Variants in RUNX1 observed in about 807,000 individuals in gnomAD.
RUNX1 encodes the protein runt-related transcription factor 1.
Under a neutral mutation model 42.8 loss-of-function variants are expected in RUNX1, and 19 were observed. The observed-to-expected ratio is 0.44, with a 90% CI of 0.31 to 0.65. The LOEUF (loss-of-function observed/expected upper bound fraction) is 0.65. Among genes scored for constraint, RUNX1 ranks in the 30% least tolerant of loss-of-function variants. The pLI is 0.07. For missense variants in RUNX1, 528 were observed against 672.0 expected, an observed-to-expected ratio of 0.79 and a Z score of 2.37; for synonymous variants, 271 against 289.4, an observed-to-expected ratio of 0.94 and a Z score of 0.64.
At position 34,792,512 on chromosome 21, in the gene RUNX1, A is replaced by T; in HGVS notation, c.1066T>A (p.Ser356Thr). 1 of 1,602,372 alleles carries T rather than the reference A, an allele frequency of 6.2e-7. No individual in the cohort carries two copies. The highest frequency in any genetic ancestry group is 8.5e-7 in the Non-Finnish European group (1 of 1,174,596). ...ATGCCCGAGGTGACCGGCGTCGGGGAGTAGGTGAAGGCGCCTGGATAGTGC... is the reference window on the plus strand; with the variant it reads ...ATGCCCGAGGTGACCGGCGTCGGGGTGTAGGTGAAGGCGCCTGGATAGTGC... ...RMHYPGAFTY[S>T]PTPVTSGIGI... Residue 356 changes from serine (S) to threonine (T), a missense_variant, in exon 9 of 9, where the codon TCC becomes ACC. Physicochemically the swap from Ser to Thr is moderately conservative, Grantham distance 58. Coordinates refer to ENST00000675419, the MANE Select transcript of RUNX1 (RefSeq NM_001754.5). The surrounding 1 kb of genome is among the most constrained non-coding windows in gnomAD (Gnocchi z 6.9).
chr21:34,880,489 T>C lies in RUNX1; in HGVS notation c.508+68A>G, dbSNP rs972882676. On this transcript the variant is annotated intron_variant, in intron 5 of 8. Transcript: ENST00000675419. ...CTAGGGATTCCATCACAGAAATCACTAGAATTTTGAAATGTGGGTTTGTTG... is the reference window on the plus strand; with the variant it reads ...CTAGGGATTCCATCACAGAAATCACCAGAATTTTGAAATGTGGGTTTGTTG... 6 of 1,494,728 alleles carry C rather than the reference T, an allele frequency of 4.0e-6. No homozygotes were observed. The Admixed American group carries it at 1.0e-4, about 25-fold the overall frequency. 92.6% of individuals were successfully genotyped at this position (1,494,728 alleles called of 1,614,324 possible).
chr21:34,821,765 G>T, intron 7 of RUNX1: 1 of 1,386,120 alleles, frequency 7.2e-7, no homozygotes, highest in Non-Finnish European at 9.9e-7. Flanking sequence ...AGCCGCGAAT[G>T]CATTCCCCTC....
chr21:34,793,192 G>A (rs1420595147), intron 8 of RUNX1, among the ~76,000 whole-genome samples: 5 of 151,130 alleles, frequency 3.3e-5, no homozygotes, highest in Non-Finnish European at 5.9e-5. Flanking sequence ...CCAAAAAGAT[G>A]AGGTCACCCA....
At chr21:34,909,691 C>T (rs1027498342) in intron 2 of RUNX1, among the ~76,000 whole-genome samples, 1 of 151,816 alleles carries the variant, frequency 6.6e-6, no homozygotes, top group African/African-American at 2.4e-5. Context: ...GCAAGTCCCC[C>T]GGGTCTCTGG....
intron 2 of RUNX1, among the ~76,000 whole-genome samples, chr21:35,010,352 A>T (rs2059116912): frequency 6.6e-6 from 1 of 152,072 alleles, no homozygotes; most frequent in Admixed American, 6.6e-5. Context: ...TTTTTAAAAA[A>T]AAATCTGGTC....
intron 2 of RUNX1, among the ~76,000 whole-genome samples, chr21:35,034,940 C>A (rs1243890746): frequency 6.6e-6 from 1 of 152,148 alleles, no homozygotes; most frequent in African/African-American, 2.4e-5. Flanking sequence ...CTGTTATACT[C>A]CCCACCTCAT....
At chr21:35,038,547 TA>T (rs1182124476) in intron 2 of RUNX1, 2 of 452,340 alleles carry the variant, frequency 4.4e-6, no homozygotes, top group Non-Finnish European at 8.8e-6. Flanking sequence ...ATGGATTCCC[TA>T]AGCATGGGAA....
chr21:34,933,379 T>C (rs1488838953), intron 2 of RUNX1, among the ~76,000 whole-genome samples: 1 of 152,216 alleles, frequency 6.6e-6, no homozygotes, highest in African/African-American at 2.4e-5. Context: ...GCTGTGTTGC[T>C]CTGATGTGTT....
At chr21:34,840,849 G>A (rs1229635023) in intron 6 of RUNX1, among the ~76,000 whole-genome samples, 1 of 152,182 alleles carries the variant, frequency 6.6e-6, no homozygotes, top group Non-Finnish European at 1.5e-5. Context: ...TTGGACTTCA[G>A]TATTCAAAGG....
intron 2 of RUNX1, among the ~76,000 whole-genome samples, chr21:34,967,113 G>A (rs1359939693): frequency 6.6e-6 from 1 of 151,608 alleles, no homozygotes; most frequent in Non-Finnish European, 1.5e-5. Context: ...GAAGTCAGGA[G>A]ATCGAGACCA....
Position 34,888,851 on chromosome 21 carries a change from G to A in RUNX1, c.98-1755C>T, listed in dbSNP as rs934327012. Among the ~76,000 whole-genome samples, 6 of 151,822 alleles carry A rather than the reference G, an allele frequency of 4.0e-5. No individual in the cohort carries two copies. The East Asian group carries it at 1.2e-3, about 30-fold the overall frequency. On this transcript the variant is annotated intron_variant, in intron 3 of 8. Coordinates refer to ENST00000675419, the MANE Select transcript of RUNX1 (RefSeq NM_001754.5). Reference sequence around the variant, plus strand: ...CGCCGCCGGCTCCTGGAATTGGCCCGCGCGCCCCCGCCGCCGCGCCGCGCG... The same window carrying A: ...CGCCGCCGGCTCCTGGAATTGGCCCACGCGCCCCCGCCGCCGCGCCGCGCG...
rs566879079 is a variant in RUNX1, at chr21:34,861,116, C to T, written c.509-1538G>A. Among the ~76,000 whole-genome samples, 262 of 152,328 alleles carry T rather than the reference C, an allele frequency of 1.7e-3. 1 individual carries two copies. Among genetic ancestry groups the T allele is most frequent in the Admixed American group, 3.3e-3 (50 of 15,306 alleles). ...CTGCCTCCAAATCCATCTTTCCCAT[C>T]AACTGGCCTGTCCCCAGAACCTAGA... On this transcript the variant is annotated intron_variant, in intron 5 of 8. Coordinates refer to ENST00000675419, the MANE Select transcript of RUNX1 (RefSeq NM_001754.5).
At chr21:34,865,756 A>G (rs2057652593) in intron 5 of RUNX1, among the ~76,000 whole-genome samples, 1 of 152,142 alleles carries the variant, frequency 6.6e-6, no homozygotes, top group African/African-American at 2.4e-5. Context: ...CGCACTCTCC[A>G]CTTCCTCACC....
At chr21:34,957,296 G>A (rs1569124198) in intron 2 of RUNX1, among the ~76,000 whole-genome samples, 1 of 152,182 alleles carries the variant, frequency 6.6e-6, no homozygotes, top group Non-Finnish European at 1.5e-5. Flanking sequence ...GAACACTAGG[G>A]GCGAATGAGC....
intron 2 of RUNX1, among the ~76,000 whole-genome samples, chr21:34,977,796 T>C (rs1010188857): frequency 6.6e-6 from 1 of 152,246 alleles, no homozygotes; most frequent in Admixed American, 6.5e-5. Flanking sequence ...TCCATCTTTC[T>C]TCCAACATCC....
chr21:34,879,988 A>G (rs1490191027), intron 5 of RUNX1, among the ~76,000 whole-genome samples: 1 of 152,248 alleles, frequency 6.6e-6, no homozygotes, highest in Non-Finnish European at 1.5e-5. Flanking sequence ...AAGGCATTGA[A>G]AAGAAATACA....
intron 2 of RUNX1, among the ~76,000 whole-genome samples, chr21:35,004,811 A>T (rs1361228437): frequency 1.3e-5 from 2 of 152,212 alleles, no homozygotes; most frequent in Admixed American, 6.5e-5. Flanking sequence ...TGCTTGCTGG[A>T]GAAGTGTCTG....
At chr21:34,800,119 G>A (rs1241448990) in intron 7 of RUNX1, among the ~76,000 whole-genome samples, 3 of 152,160 alleles carry the variant, frequency 2.0e-5, no homozygotes, top group Non-Finnish European at 2.9e-5. Context: ...TCAGGACTTC[G>A]AGTTTGCAAC....
intron 5 of RUNX1, among the ~76,000 whole-genome samples, chr21:34,865,070 C>T (rs115397745): frequency 7.6e-4 from 115 of 152,202 alleles, no homozygotes; most frequent in African/African-American, 2.6e-3. Flanking sequence ...TAATAACAGT[C>T]ATTCCATCTC....
Sources: gnomAD v4.1 joint callset for allele counts (sites outside exome capture counted in the v4.1 genomes callset) on GRCh38, gnomAD v4.1.1 for gene constraint, Gnocchi (gnomAD v3.1) non-coding constraint, MANE v1.5 for transcripts, NCBI Gene and HGNC (gene_info 2026-07-23, HGNC 2026-07-21) for gene names.